TNC: variants seen among roughly 807,000 people sequenced by gnomAD.
The protein encoded by TNC is tenascin.
TNC carries 109 observed loss-of-function variants against 202.4 expected under a neutral mutation model. That is an observed-to-expected ratio of 0.54 (90% CI 0.46 to 0.63). The LOEUF is 0.63. Ranked by LOEUF, TNC falls within the 30% of genes least tolerant of loss-of-function variation. TNC has a pLI of 0.00. For synonymous variants in TNC, 1,007 were observed against 1,089.7 expected, an observed-to-expected ratio of 0.92 and a Z score of 1.50; for missense variants, 2,756 against 2,833.3, an observed-to-expected ratio of 0.97 and a Z score of 0.62.
Position 115,040,937 on chromosome 9 carries a change from T to A in TNC, c.5392+4A>T, listed in dbSNP as rs749847781. 6.2e-7 allele frequency: 1 copy of A among 1,609,328 alleles called. No homozygotes were observed. The highest frequency in any genetic ancestry group is 1.3e-5 in the African/African-American group (1 of 74,446). On this transcript the variant is annotated splice_donor_region_variant and intron_variant, in intron 19 of 27. Coordinates refer to ENST00000350763, the MANE Select transcript of TNC (RefSeq NM_002160.4). The stretch of plus-strand genomic sequence containing the variant: ...CACACACACACACAACCCCACCAAC[T>A]CACCTGTGGTGAATGACCCTGAGAC...
chr9:115,028,165 G>T (rs1329441203), intron 25 of TNC, among the ~76,000 whole-genome samples: 2 of 152,044 alleles, frequency 1.3e-5, no homozygotes, highest in Non-Finnish European at 2.9e-5. Flanking sequence ...TGGCTAATAG[G>T]GTCCAAATTA....
At chr9:115,071,906 C>A (rs1007039400) in intron 10 of TNC, among the ~76,000 whole-genome samples, 2 of 152,120 alleles carry the variant, frequency 1.3e-5, no homozygotes, top group African/African-American at 2.4e-5. Flanking sequence ...CCGCCCCCCA[C>A]CTTATTTTTT....
intron 1 of TNC, among the ~76,000 whole-genome samples, chr9:115,101,587 A>G (rs118145085): frequency 6.6e-6 from 1 of 152,218 alleles, no homozygotes; most frequent in African/African-American, 2.4e-5. Flanking sequence ...GGTTGGGAAC[A>G]TGGTGCACTC....
At position 115,091,089 on chromosome 9, in the gene TNC, G is replaced by A. The variant is rs377617434; in HGVS notation, c.-71C>T. The A allele has an allele frequency of 1.9e-5, 25 of 1,284,964 alleles. No individual in the cohort carries two copies. Among genetic ancestry groups the A allele is most frequent in the Non-Finnish European group, 2.6e-5 (24 of 916,304 alleles). 79.6% of individuals were successfully genotyped at this position (1,284,964 alleles called of 1,614,324 possible). A position where few individuals can be genotyped will look rare whatever the true frequency, so the allele number is the denominator to read the frequency against. Reference sequence around the variant, plus strand: ...AGGGTATCTCACTTTCAGCAGAATTGGGGATTTAGAAGCACAGAGTAGACT... The same window carrying A: ...AGGGTATCTCACTTTCAGCAGAATTAGGGATTTAGAAGCACAGAGTAGACT... On this transcript the variant is annotated 5_prime_UTR_variant, in exon 2 of 28. Coordinates refer to ENST00000350763, the MANE Select transcript of TNC (RefSeq NM_002160.4).
chr9:115,076,265 G>A (rs1833844278), intron 8 of TNC, 125 bp downstream of exon 8: 1 of 1,401,300 alleles, frequency 7.1e-7, no homozygotes, highest in Admixed American at 1.8e-5. Context: ...AATCCAATAA[G>A]CAGTATTTCA....
At position 115,087,267 on chromosome 9, in the gene TNC, A is replaced by G; in HGVS notation, c.464T>C (p.Leu155Ser). ...ACCGCTACAGAAGGGCCTGGTGTCC[A>G]AGCGGCCTGCAACAAAAGAAACAGA... is the stretch of plus-strand genomic sequence containing the variant. Reference protein sequence around the residue: ...GCCLQPATGRLDTRPFCSGRG... With the variant: ...GCCLQPATGRSDTRPFCSGRG... The change falls in exon 3 of 28, where the codon TTG becomes TCG. Residue 155 changes from leucine to serine, a missense_variant. Transcript: ENST00000350763. The G allele has an allele frequency of 1.2e-6, 2 of 1,611,120 alleles. No homozygotes were observed. Among genetic ancestry groups the G allele is most frequent in the Middle Eastern group, 1.7e-4 (1 of 6,044 alleles).
chr9:115,086,345 G>T lies in TNC; in HGVS notation c.1386C>A (p.Gly462=). 6.2e-7 allele frequency: 1 copy of T among 1,614,116 alleles called. No homozygotes were observed. The highest frequency in any genetic ancestry group is 1.3e-5 in the African/African-American group (1 of 75,022). The change falls in exon 3 of 28, where the codon GGC becomes GGA. Residue 462 remains glycine, a synonymous_variant. Transcript: ENST00000350763. ...GKCVCEQGFK[G]YDCSDMSCPN... is the part of the protein sequence containing the mutation. The stretch of plus-strand genomic sequence containing the variant: ...GGCAGCTCATGTCACTGCAGTCATA[G>T]CCCTTGAAGCCTTGCTCACATACAC...
chr9:115,062,974 G>A lies in TNC; in HGVS notation c.3976C>T (p.Leu1326=). 1 of 1,614,056 alleles carries A rather than the reference G, an allele frequency of 6.2e-7. No individual in the cohort carries two copies. Residue 1326 remains leucine, a synonymous_variant, in exon 13 of 28, where the codon CTG becomes TTG. Transcript: ENST00000350763. The stretch of plus-strand genomic sequence containing the variant: ...CTGTGGCCCCTGACCTCGCCGTGCA[G>A]GGTGACTGTGTAAGGAGTGCCAGCC... ...LRAGTPYTVT[L]HGEVRGHSTR...
intron 9 of TNC, 117 bp from the exon 10 acceptor site, chr9:115,073,983 G>A: frequency 9.8e-7 from 1 of 1,018,612 alleles, no homozygotes; most frequent in Non-Finnish European, 1.4e-6. Flanking sequence ...GGAGCTGAGG[G>A]ACCACAGGAG....
chr9:115,023,921 C>A, intron 27 of TNC, 52 bp downstream of exon 27: 1 of 1,581,750 alleles, frequency 6.3e-7, no homozygotes, highest in Non-Finnish European at 8.7e-7. Flanking sequence ...TTCCATTAGC[C>A]CCCTCCAGCT....
In TNC at chr9:115,038,261, C is replaced by A. The variant is rs1164129868; in HGVS notation, c.5512G>T (p.Val1838Leu). The stretch of plus-strand genomic sequence containing the variant: ...AGGAGAGACTTGGACAAAACCTTAC[C>A]TTTCTCGCCTGTGTAGGAGATGACA... ...SYVISYTGEK[V>L]PEITRTVSGN... Residue 1838 changes from valine to leucine, a missense_variant and splice_region_variant, in exon 20 of 28, where the codon GTG (valine) becomes TTG (leucine). Coordinates refer to ENST00000350763, the MANE Select transcript of TNC (RefSeq NM_002160.4). 2 of 1,613,412 alleles carry A rather than the reference C, an allele frequency of 1.2e-6. No individual in the cohort carries two copies. The highest frequency in any genetic ancestry group is 2.7e-5 in the African/African-American group (2 of 74,936).
At chr9:115,084,130 G>A in intron 4 of TNC, 79 bp downstream of exon 4, 1 of 1,464,722 alleles carries the variant, frequency 6.8e-7, no homozygotes, top group East Asian at 2.3e-5. Context: ...TAGGATTGTA[G>A]GGGCCGTGGC....
At chr9:115,102,110 A>G (rs138690373) in intron 1 of TNC, among the ~76,000 whole-genome samples, 30 of 152,180 alleles carry the variant, frequency 2.0e-4, no homozygotes. Flanking sequence ...TGAGGCATAG[A>G]GTCTTTACAT....
Position 115,021,171 on chromosome 9 carries a change from G to T in TNC, c.6592C>A (p.Arg2198Ser), listed in dbSNP as rs143636742. The part of the protein sequence containing the change: ...PSNFRNLEGR[R>S]KRA Reference sequence around the variant, plus strand: ...GTCCCTGGAATTTATGCCCGTTTGCGCCTGCCTTCAAGATTTCTGAAGTTG... The same window carrying T: ...GTCCCTGGAATTTATGCCCGTTTGCTCCTGCCTTCAAGATTTCTGAAGTTG... The change falls in exon 28 of 28, where the codon CGC (arginine) becomes AGC (serine). Residue 2198 changes from arginine to serine, a missense_variant. Coordinates refer to ENST00000350763, the MANE Select transcript of TNC (RefSeq NM_002160.4). The T allele has an allele frequency of 3.7e-6, 6 of 1,613,456 alleles. No homozygotes were observed. Among genetic ancestry groups the T allele is most frequent in the Non-Finnish European group, 5.1e-6 (6 of 1,179,760 alleles).
intron 15 of TNC, chr9:115,055,576 A>G (rs1832052399): frequency 6.6e-6 from 1 of 152,574 alleles, no homozygotes; most frequent in African/African-American, 2.4e-5. Flanking sequence ...TGGTGATGAC[A>G]GAGCTGCGAG....
At position 115,048,408 on chromosome 9, in the gene TNC, C is replaced by A. The variant is rs1831374667; in HGVS notation, c.4704G>T (p.Lys1568Asn). The A allele has an allele frequency of 6.2e-7, 1 of 1,614,086 alleles. No homozygotes were observed. Among genetic ancestry groups the A allele is most frequent in the African/African-American group, 1.3e-5 (1 of 75,048 alleles). ...GTGTGAATTCCTGGGGGTCCAGCAGCTTCCCAGAATCCACCACCGTTACTA... is the reference window on the plus strand; with the variant it reads ...GTGTGAATTCCTGGGGGTCCAGCAGATTCCCAGAATCCACCACCGTTACTA... ...SFLVTVVDSG[K>N]LLDPQEFTLS... The change falls in exon 16 of 28, where the codon AAG (lysine) becomes AAT (asparagine). Residue 1568 changes from lysine (K) to asparagine (N), a missense_variant. Transcript: ENST00000350763.
chr9:115,114,900 C>A (rs190414294), intron 1 of TNC: 1 of 150,798 alleles, frequency 6.6e-6, no homozygotes, highest in East Asian at 2.0e-4. Flanking sequence ...AAACCATTGG[C>A]AAACCCTCCT....
intron 22 of TNC, 40 bp downstream of exon 22, chr9:115,035,164 C>T (rs1215074647): frequency 6.5e-7 from 1 of 1,548,664 alleles, no homozygotes; most frequent in Admixed American, 1.9e-5. Context: ...CATGCAAATG[C>T]TTCAACTAGC....
Position 115,038,395 on chromosome 9 carries a change from G to T in TNC, c.5393-15C>A. The T allele has an allele frequency of 6.2e-7, 1 of 1,613,262 alleles. No individual in the cohort carries two copies. The highest frequency in any genetic ancestry group is 8.5e-7 in the Non-Finnish European group (1 of 1,179,500). On this transcript the variant is annotated splice_polypyrimidine_tract_variant and intron_variant, in intron 19 of 27. Coordinates refer to ENST00000350763, the MANE Select transcript of TNC (RefSeq NM_002160.4). Reference sequence around the variant, plus strand: ...GCCATCCAGAGCTGCAAAGAAAGATGGTGGACAGGAGGGAAGTCATTGGGT... The same window carrying T: ...GCCATCCAGAGCTGCAAAGAAAGATTGTGGACAGGAGGGAAGTCATTGGGT...
Sources: allele counts gnomAD v4.1 joint callset (sites outside exome capture counted in the v4.1 genomes callset), GRCh38; gene constraint gnomAD v4.1.1; transcripts MANE v1.5; gene names NCBI Gene and HGNC (gene_info 2026-07-23, HGNC 2026-07-21).